The following CNTNAP2 variants were observed in gnomAD, a reference collection of about 807,000 sequenced individuals.
The protein encoded by CNTNAP2 is contactin associated protein 2.
In CNTNAP2, 98 loss-of-function variants were observed where a neutral mutation model predicts 155.2. That is an observed-to-expected ratio of 0.63 (90% CI 0.54 to 0.75). The LOEUF (loss-of-function observed/expected upper bound fraction) is 0.75, where lower values mean the gene tolerates loss of function less well. Ranked by LOEUF, CNTNAP2 falls within the 30% of genes least tolerant of loss-of-function variation. The pLI is 0.00. For missense variants in CNTNAP2, 1,727 were observed against 1,688.1 expected, an observed-to-expected ratio of 1.02 and a Z score of -0.40; for synonymous variants, 651 against 631.2, an observed-to-expected ratio of 1.03 and a Z score of -0.47.
chr7:146,954,028 G>A (rs1336214908), intron 3 of CNTNAP2, among the ~76,000 whole-genome samples: 1 of 151,824 alleles, frequency 6.6e-6, no homozygotes, highest in Non-Finnish European at 1.5e-5. Context: ...TATAACGTGG[G>A]TTATAAGATT....
intron 15 of CNTNAP2, among the ~76,000 whole-genome samples, chr7:148,096,279 A>G (rs112083157): frequency 0.016 from 2,328 of 144,924 alleles, 151 homozygotes; most frequent in African/African-American, 0.034. Flanking sequence ...GCATGCATGC[A>G]TGTGTGTGTG....
At chr7:147,119,308 T>A (rs1254932055) in intron 5 of CNTNAP2, among the ~76,000 whole-genome samples, 1 of 152,140 alleles carries the variant, frequency 6.6e-6, no homozygotes, top group Admixed American at 6.5e-5. Flanking sequence ...TTTGTGACCT[T>A]ACCAAAAAAA....
chr7:147,900,069 CT>C (rs1474637923), intron 13 of CNTNAP2, among the ~76,000 whole-genome samples: 1 of 152,140 alleles, frequency 6.6e-6, no homozygotes, highest in African/African-American at 2.4e-5. Context: ...AAAGAAAACT[CT>C]TAGTTCCCCA....
At chr7:146,781,234 A>C (rs1001991274) in intron 2 of CNTNAP2, among the ~76,000 whole-genome samples, 9 of 150,408 alleles carry the variant, frequency 6.0e-5, no homozygotes, top group East Asian at 1.9e-4. Context: ...TCTCAAAAAA[A>C]AAAAAACAAA....
chr7:148,331,791 G>C (rs1215988245), intron 21 of CNTNAP2, among the ~76,000 whole-genome samples: 2 of 151,214 alleles, frequency 1.3e-5, no homozygotes, highest in African/African-American at 2.4e-5. Flanking sequence ...CAGATGGAGT[G>C]GATGGATAGA....
chr7:147,541,078 T>C (rs1799630580), intron 11 of CNTNAP2, among the ~76,000 whole-genome samples: 1 of 152,224 alleles, frequency 6.6e-6, no homozygotes, highest in Non-Finnish European at 1.5e-5. Flanking sequence ...ACTCCATTTA[T>C]GTTTAACATC....
At chr7:146,190,333 G>A (rs551069149) in intron 1 of CNTNAP2, among the ~76,000 whole-genome samples, 55 of 148,414 alleles carry the variant, frequency 3.7e-4, no homozygotes, top group African/African-American at 1.2e-3. Context: ...CAGCACTGTC[G>A]TTGAGTTGTA....
intron 10 of CNTNAP2, among the ~76,000 whole-genome samples, chr7:147,477,662 G>A (rs745829872): frequency 6.6e-6 from 1 of 152,078 alleles, no homozygotes; most frequent in African/African-American, 2.4e-5. Context: ...TTCAATTAGG[G>A]GTGAAGAGAA....
chr7:147,641,138 G>A (rs1034972294), intron 13 of CNTNAP2, among the ~76,000 whole-genome samples: 2 of 151,180 alleles, frequency 1.3e-5, no homozygotes, highest in Non-Finnish European at 2.9e-5. Context: ...AAGAGCGGGG[G>A]CTTTCCTGCT....
chr7:146,475,116 C>T (rs1796859268), intron 1 of CNTNAP2, among the ~76,000 whole-genome samples: 1 of 151,998 alleles, frequency 6.6e-6, no homozygotes, highest in South Asian at 2.1e-4. Flanking sequence ...TTTCTGCAGA[C>T]TGGATGTCAA....
At chr7:146,135,126 A>C (rs1054660368) in intron 1 of CNTNAP2, among the ~76,000 whole-genome samples, 1 of 152,166 alleles carries the variant, frequency 6.6e-6, no homozygotes, top group South Asian at 2.1e-4. Flanking sequence ...CACATTGAGT[A>C]GCAATATTTT....
chr7:146,274,173 A>C (rs1385797445), intron 1 of CNTNAP2, among the ~76,000 whole-genome samples: 1 of 152,202 alleles, frequency 6.6e-6, no homozygotes, highest in Admixed American at 6.5e-5. Flanking sequence ...TGTGACACAT[A>C]GCGCCTGAAG....
chr7:148,101,350 AGTGTGTGTGTGT>A lies in CNTNAP2; in HGVS notation c.2384-16736_2384-16725del, dbSNP rs4015917. On this transcript the variant is annotated intron_variant, in intron 15 of 23. Transcript: ENST00000361727. ...ATGGAAGCACAAAACTAAAAAGTTCAGTGTGTGTGTGTGTGTGTGTGTGTGTGTGTGTGTGTG... is the reference window on the plus strand; with the variant it reads ...ATGGAAGCACAAAACTAAAAAGTTCAGTGTGTGTGTGTGTGTGTGTGTGTG... Among the ~76,000 whole-genome samples the A allele has an allele frequency of 7.0e-4, 101 of 144,450 alleles. 1 individual carries two copies. The highest frequency in any genetic ancestry group is 5.2e-3 in the Admixed American group (76 of 14,582). 94.8% of individuals were successfully genotyped at this position (144,450 alleles called of 152,430 possible). A position where few individuals can be genotyped will look rare whatever the true frequency, so the allele number is the denominator to read the frequency against.
chr7:147,425,696 C>G (rs872713), intron 10 of CNTNAP2, among the ~76,000 whole-genome samples: 54,344 of 151,908 alleles, frequency 0.36, 9,813 homozygotes, highest in Admixed American at 0.39. Context: ...CTGAATCCTT[C>G]GTCCATATAC....
intron 12 of CNTNAP2, among the ~76,000 whole-genome samples, chr7:147,627,228 A>G (rs1256619971): frequency 6.6e-6 from 1 of 152,186 alleles, no homozygotes; most frequent in Admixed American, 6.6e-5. Context: ...AGGAACCAGA[A>G]AAGTAATTCT....
intron 2 of CNTNAP2, among the ~76,000 whole-genome samples, chr7:146,817,220 C>G (rs777162916): frequency 1.3e-5 from 2 of 152,028 alleles, no homozygotes; most frequent in Non-Finnish European, 2.9e-5. Context: ...CCCTGTAATC[C>G]CAGCACTTTG....
chr7:147,084,709 ATAAT>A, intron 4 of CNTNAP2, among the ~76,000 whole-genome samples: 1 of 147,816 alleles, frequency 6.8e-6, no homozygotes, highest in South Asian at 2.1e-4. Context: ...TAATGCATAT[ATAAT>A]ATATAATGCT....
intron 12 of CNTNAP2, chr7:147,638,796 G>C (rs1000517210): frequency 4.2e-6 from 2 of 480,370 alleles, no homozygotes; most frequent in African/African-American, 4.0e-5. Context: ...TAATGAGCCT[G>C]ATATTCAATG....
intron 1 of CNTNAP2, among the ~76,000 whole-genome samples, chr7:146,510,449 G>A (rs1224127783): frequency 1.3e-5 from 2 of 152,058 alleles, no homozygotes; most frequent in East Asian, 3.9e-4. Flanking sequence ...TTGTGCTCAT[G>A]GTTGCTTTGG....
Sources: gnomAD v4.1 joint callset for allele counts (sites outside exome capture counted in the v4.1 genomes callset) on GRCh38, gnomAD v4.1.1 for gene constraint, MANE v1.5 for transcripts, NCBI Gene and HGNC (gene_info 2026-07-23, HGNC 2026-07-21) for gene names.